The following TMEM38B variants were observed in gnomAD, a reference collection of about 807,000 sequenced individuals.
TMEM38B encodes trimeric intracellular cation channel type B.
Under a neutral mutation model 28.7 loss-of-function variants are expected in TMEM38B, and 24 were observed. That is an observed-to-expected ratio of 0.84 (90% CI 0.61 to 1.18). The LOEUF is 1.18. Among genes scored for constraint, TMEM38B ranks in the 50% most tolerant of loss-of-function variants. The pLI is 0.00. For synonymous variants in TMEM38B, 131 were observed against 127.7 expected (o/e 1.03, Z -0.17); for missense variants, 380 against 350.9 (o/e 1.08, Z -0.66).
intron 5 of TMEM38B, among the ~76,000 whole-genome samples, chr9:105,761,240 T>TA (rs1564415890): frequency 6.6e-6 from 1 of 152,182 alleles, no homozygotes; most frequent in South Asian, 2.1e-4. Context: ...TGCACTCTTT[T>TA]GTATATTCTT....
chr9:105,729,965 A>C lies in TMEM38B; in HGVS notation c.542+7344A>C, dbSNP rs1476517959. On this transcript the variant is annotated intron_variant, in intron 4 of 5. Coordinates refer to ENST00000374692, the MANE Select transcript of TMEM38B (RefSeq NM_018112.3). ...TTTGCTGAAGTTGCTTATCAGTTTA[A>C]GGAGATTTTAGGCTGAGACGATGGG... 2.6e-5 allele frequency among the ~76,000 whole-genome samples: 4 copies of C among 152,196 alleles called. No homozygotes were observed. In the East Asian group the frequency reaches 7.7e-4, roughly 29 times the overall value.
At chr9:105,768,595 A>C (rs750880124) in intron 5 of TMEM38B, among the ~76,000 whole-genome samples, 1 of 152,166 alleles carries the variant, frequency 6.6e-6, no homozygotes, top group African/African-American at 2.4e-5. Flanking sequence ...ATATAGGGCT[A>C]TGCAGATTTT....
At chr9:105,761,332 T>C (rs535850448) in intron 5 of TMEM38B, among the ~76,000 whole-genome samples, 133 of 152,292 alleles carry the variant, frequency 8.7e-4, no homozygotes, top group Middle Eastern at 3.4e-3. Context: ...TTGCCTTAAA[T>C]ATTATCCCCA....
rs1835634182 is a variant in TMEM38B, at chr9:105,705,746, T to G, written c.262T>G (p.Ser88Ala). 2.5e-6 allele frequency: 4 copies of G among 1,612,860 alleles called. No individual in the cohort carries two copies. The highest frequency in any genetic ancestry group is 3.4e-6 in the Non-Finnish European group (4 of 1,179,764). ...ANHTNILLASSIWYITFFCPH... is the reference protein window; with the variant it reads ...ANHTNILLASAIWYITFFCPH... Reference sequence around the variant, plus strand: ...CCACACTAACATATTACTGGCATCTTCAATCTGGTAAGCTGCCAGTATGGT... The same window carrying G: ...CCACACTAACATATTACTGGCATCTGCAATCTGGTAAGCTGCCAGTATGGT... The change falls in exon 2 of 6, where the codon TCA (serine) becomes GCA (alanine). Residue 88 changes from serine (S) to alanine (A), a missense_variant. Coordinates refer to ENST00000374692, the MANE Select transcript of TMEM38B (RefSeq NM_018112.3).
chr9:105,767,211 C>A lies in TMEM38B; in HGVS notation c.661-6654C>A, dbSNP rs112356978. On this transcript the variant is annotated intron_variant, in intron 5 of 5. Coordinates refer to ENST00000374692, the MANE Select transcript of TMEM38B (RefSeq NM_018112.3). ...CTGTTTGTTGAAAAGACAGTTCTTTCCCTCATTGAATGATCTTGCCACCTT... is the reference window on the plus strand; with the variant it reads ...CTGTTTGTTGAAAAGACAGTTCTTTACCTCATTGAATGATCTTGCCACCTT... Among the ~76,000 whole-genome samples the A allele has an allele frequency of 9.3e-3, 1,409 of 151,736 alleles. 14 individuals are homozygous for A. The highest frequency in any genetic ancestry group is 0.032 in the African/African-American group (1,317 of 41,374).
At chr9:105,733,414 C>CTTTTT (rs1238601451) in intron 4 of TMEM38B, among the ~76,000 whole-genome samples, 22 of 123,834 alleles carry the variant, frequency 1.8e-4, no homozygotes, top group African/African-American at 7.9e-4. Flanking sequence ...TTGCAGTTTT[C>CTTTTT]TTTTTTCTTT....
Position 105,694,573 on chromosome 9 carries a change from C to T in TMEM38B, c.-88C>T, listed in dbSNP as rs910332973. 4 of 981,200 alleles carry T rather than the reference C, an allele frequency of 4.1e-6. No homozygotes were observed. Among genetic ancestry groups the T allele is most frequent in the African/African-American group, 3.5e-5 (2 of 57,710 alleles). The allele number at this position is 981,200 out of a possible 1,614,324, so 60.8% of individuals were successfully genotyped here. ...GAGCCGGCGCGGAGGAGCGGGCGGCCGCGGCTGTGCCCTCTCCTACTCCTC... is the reference window on the plus strand; with the variant it reads ...GAGCCGGCGCGGAGGAGCGGGCGGCTGCGGCTGTGCCCTCTCCTACTCCTC... On this transcript the variant is annotated 5_prime_UTR_variant, in exon 1 of 6. Transcript: ENST00000374692.
intron 4 of TMEM38B, among the ~76,000 whole-genome samples, chr9:105,744,812 C>T (rs929055099): frequency 2.5e-4 from 38 of 152,052 alleles, no homozygotes; most frequent in South Asian, 2.1e-4. Context: ...GTTCAATTCC[C>T]ACCTATGAGT....
chr9:105,759,400 G>C, intron 5 of TMEM38B: 1 of 1,504,990 alleles, frequency 6.6e-7, no homozygotes, highest in South Asian at 1.2e-5. Flanking sequence ...AGATTCTACT[G>C]AGAGACTACG....
intron 2 of TMEM38B, among the ~76,000 whole-genome samples, chr9:105,720,315 T>A (rs570397447): frequency 1.3e-4 from 20 of 150,874 alleles, no homozygotes; most frequent in Admixed American, 2.6e-4. Context: ...AGAACTATTG[T>A]AGTTCATTAT....
chr9:105,772,973 T>C (rs1451380243), intron 5 of TMEM38B, among the ~76,000 whole-genome samples: 1 of 152,180 alleles, frequency 6.6e-6, no homozygotes, highest in Non-Finnish European at 1.5e-5. Context: ...GAATTTATTC[T>C]TGATACCATT....
intron 4 of TMEM38B, among the ~76,000 whole-genome samples, chr9:105,730,436 G>A (rs1488958279): frequency 6.6e-6 from 1 of 152,128 alleles, no homozygotes; most frequent in Non-Finnish European, 1.5e-5. Flanking sequence ...GATCGTGGTG[G>A]ATAAACTTTT....
chr9:105,759,249 G>A, intron 5 of TMEM38B: 1 of 718,654 alleles, frequency 1.4e-6, no homozygotes, highest in Non-Finnish European at 2.5e-6. Flanking sequence ...TTGTGGCTAT[G>A]TCATAGTTTC....
chr9:105,745,115 G>C (rs1219772458), intron 4 of TMEM38B, among the ~76,000 whole-genome samples: 1 of 152,126 alleles, frequency 6.6e-6, no homozygotes, highest in South Asian at 2.1e-4. Flanking sequence ...TAATGGGATC[G>C]CTGGGTCAAA....
chr9:105,769,046 A>T (rs533145016), intron 5 of TMEM38B, among the ~76,000 whole-genome samples: 31 of 152,334 alleles, frequency 2.0e-4, no homozygotes, highest in African/African-American at 7.2e-4. Flanking sequence ...AAATATAGCT[A>T]TCAAATAGCT....
At chr9:105,744,599 ATTTTAC>A (rs1217035751) in intron 4 of TMEM38B, among the ~76,000 whole-genome samples, 3 of 150,038 alleles carry the variant, frequency 2.0e-5, no homozygotes, top group South Asian at 2.1e-4. Flanking sequence ...TTTATTTTTT[ATTTTAC>A]TTTAAGTTTT....
Position 105,773,860 on chromosome 9 carries a change from C to A in TMEM38B, c.661-5C>A. On this transcript the variant is annotated splice_polypyrimidine_tract_variant and splice_region_variant and intron_variant, in intron 5 of 5. Transcript: ENST00000374692. The stretch of plus-strand genomic sequence containing the variant: ...TAAATTCAAAATTAAACTTTTTTCC[C>A]CCAGATAACCATGATGACTACACAG... 6.3e-7 allele frequency: 1 copy of A among 1,592,314 alleles called. No homozygotes were observed. The highest frequency in any genetic ancestry group is 2.2e-5 in the East Asian group (1 of 44,462).
intron 4 of TMEM38B, among the ~76,000 whole-genome samples, chr9:105,740,301 C>T (rs1314117358): frequency 2.8e-5 from 4 of 145,120 alleles, no homozygotes; most frequent in African/African-American, 7.9e-5. Context: ...TGCTCTGTTG[C>T]CCAGGCCAGA....
At chr9:105,744,427 A>G (rs984615446) in intron 4 of TMEM38B, among the ~76,000 whole-genome samples, 11 of 152,056 alleles carry the variant, frequency 7.2e-5, no homozygotes, top group African/African-American at 2.7e-4. Flanking sequence ...ATATTTTTGC[A>G]AAGAATAGGA....
Sources: allele counts gnomAD v4.1 joint callset (sites outside exome capture counted in the v4.1 genomes callset), GRCh38; gene constraint gnomAD v4.1.1; transcripts MANE v1.5; gene names NCBI Gene and HGNC (gene_info 2026-07-23, HGNC 2026-07-21).